Variants in PAX2 observed in about 807,000 individuals in gnomAD.
PAX2 encodes the protein paired box 2.
PAX2 carries 9 observed loss-of-function variants against 41.7 expected under a neutral mutation model. That is an observed-to-expected ratio of 0.22 (90% confidence interval 0.13 to 0.38). The LOEUF (loss-of-function observed/expected upper bound fraction) is 0.38. Among genes scored for constraint, PAX2 ranks in the 10% least tolerant of loss-of-function variants. The pLI is 1.00. For synonymous variants in PAX2, 221 were observed against 212.7 expected, an observed-to-expected ratio of 1.04 and a Z score of -0.34; for missense variants, 418 against 531.6, an observed-to-expected ratio of 0.79 and a Z score of 2.10.
At chr10:100,749,365 C>T (rs1845345152) in intron 1 of PAX2, 2 of 1,039,880 alleles carry the variant, frequency 1.9e-6, no homozygotes, top group Non-Finnish European at 2.3e-6. Flanking sequence ...CTGCTTCGCA[C>T]TAGTCCAGTC....
At chr10:100,787,253 TG>T (rs1393052358) in intron 5 of PAX2, among the ~76,000 whole-genome samples, 2 of 151,824 alleles carry the variant, frequency 1.3e-5, no homozygotes, top group African/African-American at 4.8e-5. Flanking sequence ...AGGCACTCAG[TG>T]GATGGGGGGT....
chr10:100,814,074 C>T lies in PAX2; in HGVS notation c.919+4838C>T, dbSNP rs540431308. On this transcript the variant is annotated intron_variant, in intron 7 of 9. Coordinates refer to ENST00000355243, the MANE Select transcript of PAX2 (RefSeq NM_000278.5). ...TCTAAAAAAGATCAAAGGGGCCGGG[C>T]GCGGTGGCTCACGCCTGTAATCCCA... Among the ~76,000 whole-genome samples, 27 of 152,230 alleles carry T rather than the reference C, an allele frequency of 1.8e-4. 1 individual carries two copies. The South Asian group carries it at 4.8e-3, about 27-fold the overall frequency.
chr10:100,789,006 G>T (rs990616257), intron 5 of PAX2, among the ~76,000 whole-genome samples: 3 of 152,106 alleles, frequency 2.0e-5, no homozygotes, highest in African/African-American at 7.2e-5. Context: ...GTAGGGAATT[G>T]CAGGGCCTCT....
intron 1 of PAX2, chr10:100,749,442 AT>A: frequency 2.4e-6 from 3 of 1,225,380 alleles, no homozygotes; most frequent in South Asian, 3.2e-5. Context: ...CCCCTTTGGC[AT>A]TTTCTCCCCT....
At chr10:100,785,117 G>A (rs779266959) in intron 5 of PAX2, among the ~76,000 whole-genome samples, 1 of 152,182 alleles carries the variant, frequency 6.6e-6, no homozygotes, top group African/African-American at 2.4e-5. Context: ...TGGATTCCCT[G>A]GGCCCTTTGA....
At chr10:100,740,202 C>A (rs757796755) in intron 1 of PAX2, among the ~76,000 whole-genome samples, 1 of 152,174 alleles carries the variant, frequency 6.6e-6, no homozygotes, top group Non-Finnish European at 1.5e-5. Flanking sequence ...CTCCTCCCGA[C>A]GGTTTTGGCG....
intron 3 of PAX2, among the ~76,000 whole-genome samples, chr10:100,754,988 C>G (rs1239330323): frequency 6.6e-6 from 1 of 152,202 alleles, no homozygotes; most frequent in Non-Finnish European, 1.5e-5. Context: ...AGGGAACTCA[C>G]CTTCTGTGGC....
At chr10:100,800,474 T>C (rs80153156) in intron 5 of PAX2, among the ~76,000 whole-genome samples, 1,987 of 151,854 alleles carry the variant, frequency 0.013, 47 homozygotes, top group African/African-American at 0.045. Flanking sequence ...TGAGTCTCGC[T>C]ATGTTGCCCA....
chr10:100,826,234 G>C lies in PAX2; in HGVS notation c.1022-775G>C, dbSNP rs1182701137. 6.8e-6 allele frequency among the ~76,000 whole-genome samples: 1 copy of C among 147,270 alleles called. No homozygotes were observed. The highest frequency in any genetic ancestry group is 2.5e-5 in the African/African-American group (1 of 39,422). On this transcript the variant is annotated intron_variant, in intron 8 of 9. Transcript: ENST00000355243. The surrounding 1 kb of genome is among the most constrained non-coding windows in gnomAD (Gnocchi z 5.5). ...ACCCCCACCCCAGCTCCCTCTCAGA[G>C]AGGGGCCCCTTCTCCTCTACTTAAC...
chr10:100,739,014 G>GACACACACACACACAC (rs61617727), intron 1 of PAX2, among the ~76,000 whole-genome samples: 176 of 138,350 alleles, frequency 1.3e-3, no homozygotes, highest in South Asian at 2.3e-3. Flanking sequence ...CGCGCACGCG[G>GACACACACACACACAC]ACACACACAC....
chr10:100,749,711 G>T, intron 1 of PAX2, 35 bp from the exon 2 acceptor site: 1 of 1,600,922 alleles, frequency 6.2e-7, no homozygotes, highest in Non-Finnish European at 8.5e-7. Context: ...CCTGCTGTGT[G>T]TGGGGTGTTG....
intron 3 of PAX2, among the ~76,000 whole-genome samples, chr10:100,762,545 C>T (rs1259654040): frequency 6.6e-6 from 1 of 152,086 alleles, no homozygotes; most frequent in Admixed American, 6.5e-5. Context: ...TTCCTATTTA[C>T]TGAGAACATA....
Position 100,826,892 on chromosome 10 carries a change from C to A in PAX2, c.1022-117C>A. On this transcript the variant is annotated intron_variant, in intron 8 of 9. Transcript: ENST00000355243. The surrounding 1 kb of genome is among the most constrained non-coding windows in gnomAD (Gnocchi z 5.5). ...CGCCCGCCACGGCCATTACCCTGCC[C>A]GCGACACCTGCGCCTGAGACCCGGC... The A allele has an allele frequency of 1.3e-6, 1 of 747,850 alleles. No homozygotes were observed. The allele number at this position is 747,850 out of a possible 1,614,324, so 46.3% of individuals were successfully genotyped here. A position where few individuals can be genotyped will look rare whatever the true frequency, so the allele number is the denominator to read the frequency against.
At chr10:100,812,120 C>T (rs1246910869) in intron 7 of PAX2, among the ~76,000 whole-genome samples, 2 of 152,198 alleles carry the variant, frequency 1.3e-5, no homozygotes, top group Non-Finnish European at 2.9e-5. Flanking sequence ...GGGTGGCTGC[C>T]GGAGGCTAGG....
At chr10:100,768,304 T>C (rs1846091656) in intron 3 of PAX2, among the ~76,000 whole-genome samples, 1 of 152,114 alleles carries the variant, frequency 6.6e-6, no homozygotes, top group Non-Finnish European at 1.5e-5. Flanking sequence ...AAATAGATCC[T>C]CAAAACAGAA....
At chr10:100,801,292 G>A (rs568972556) in intron 5 of PAX2, among the ~76,000 whole-genome samples, 2 of 152,338 alleles carry the variant, frequency 1.3e-5, no homozygotes, top group Middle Eastern at 3.4e-3. Context: ...TGGTTGGGAA[G>A]CCCATATAAC....
chr10:100,818,977 G>A (rs976149136), intron 7 of PAX2, among the ~76,000 whole-genome samples: 1 of 152,186 alleles, frequency 6.6e-6, no homozygotes, highest in African/African-American at 2.4e-5. Flanking sequence ...GCCGGGCGTC[G>A]TGGCTCACCC....
At chr10:100,790,102 G>C (rs564480257) in intron 5 of PAX2, among the ~76,000 whole-genome samples, 2 of 152,316 alleles carry the variant, frequency 1.3e-5, no homozygotes, top group South Asian at 2.1e-4. Context: ...AGTTAATGCT[G>C]TTGTGGATGA....
At chr10:100,771,412 C>G (rs944691852) in intron 3 of PAX2, among the ~76,000 whole-genome samples, 2 of 152,220 alleles carry the variant, frequency 1.3e-5, no homozygotes, top group African/African-American at 4.8e-5. Flanking sequence ...TCAGCCCAAA[C>G]TGCAGCCAGA....
Sources: allele counts gnomAD v4.1 joint callset (sites outside exome capture counted in the v4.1 genomes callset), GRCh38; gene constraint gnomAD v4.1.1; non-coding constraint Gnocchi (gnomAD v3.1); transcripts MANE v1.5; gene names NCBI Gene and HGNC (gene_info 2026-07-23, HGNC 2026-07-21).